Variants in RIPPLY3 observed in about 807,000 individuals in gnomAD.
RIPPLY3 encodes the protein protein ripply3.
In RIPPLY3, 8 loss-of-function variants were observed where a neutral mutation model predicts 11.9. The ratio of observed to expected loss-of-function variants is 0.67; its 90% CI spans 0.40 to 1.21. The LOEUF is 1.21. RIPPLY3 is among the 50% of genes most tolerant of loss of function. RIPPLY3 has a pLI of 0.01. For missense variants in RIPPLY3, 271 were observed against 246.0 expected (o/e 1.10, Z -0.68); for synonymous variants, 102 against 99.0 (o/e 1.03, Z -0.18).
chr21:37,018,009 G>C lies in RIPPLY3; in HGVS notation c.375G>C (p.Glu125Asp). The stretch of plus-strand genomic sequence containing the variant: ...CTGAGTCTGCTTCCGAAGCTGAAGA[G>C]CCAGAGGAAGGACCCCCACCCCTCC... ...ESTESASEAE[E>D]PEEGPPPLHL... is the part of the protein sequence containing the mutation. Residue 125 changes from glutamate to aspartate, a missense_variant, in exon 4 of 4, where the codon GAG becomes GAC. Coordinates refer to ENST00000329553, the MANE Select transcript of RIPPLY3 (RefSeq NM_018962.3). The C allele has an allele frequency of 6.2e-7, 1 of 1,614,150 alleles. No individual in the cohort carries two copies. Among genetic ancestry groups the C allele is most frequent in the South Asian group, 1.1e-5 (1 of 91,076 alleles).
intron 2 of RIPPLY3, among the ~76,000 whole-genome samples, chr21:37,009,706 A>G (rs2069501468): frequency 6.6e-6 from 1 of 152,206 alleles, no homozygotes; most frequent in African/African-American, 2.4e-5. Context: ...AGTAAGACAG[A>G]TGGTTTTGGG....
rs1221485099 is a variant in RIPPLY3 at position 37,018,938 on chromosome 21, C to T, written c.*731C>T. 2 of 150,828 alleles carry T rather than the reference C, an allele frequency of 1.3e-5. No homozygotes were observed. Among genetic ancestry groups the T allele is most frequent in the Non-Finnish European group, 2.9e-5 (2 of 67,886 alleles). 9.3% of individuals were successfully genotyped at this position (150,828 alleles called of 1,614,324 possible). On this transcript the variant is annotated 3_prime_UTR_variant, in exon 4 of 4. Transcript: ENST00000329553. ...TGAACTCCTGACCTCAGGTGATCCA[C>T]CCGCCTTGGCCTCCCAAAGTGCTGG...
rs2069468646 is a variant in RIPPLY3, at chr21:37,006,807, C to T, written c.35C>T (p.Ala12Val). 1 of 1,230,606 alleles carries T rather than the reference C, an allele frequency of 8.1e-7. No homozygotes were observed. 76.2% of individuals were successfully genotyped at this position (1,230,606 alleles called of 1,614,324 possible). A position where few individuals can be genotyped will look rare whatever the true frequency, so the allele number is the denominator to read the frequency against. ...EPEAAAGARK[A>V]RGRGCHCPGD... ...GAAGCGGCGGCCGGAGCCCGGAAGG[C>T]GCGGGGGCGCGGCTGTCACTGCCCC... is the stretch of plus-strand genomic sequence containing the variant. Residue 12 changes from alanine (A) to valine (V), a missense_variant, in exon 1 of 4, where the codon GCG (alanine) becomes GTG (valine). Transcript: ENST00000329553. The surrounding 1 kb of genome is among the most constrained non-coding windows in gnomAD (Gnocchi z 5.2).
chr21:37,014,035 G>C (rs570793339), intron 3 of RIPPLY3, among the ~76,000 whole-genome samples: 1 of 152,240 alleles, frequency 6.6e-6, no homozygotes, highest in African/African-American at 2.4e-5. Flanking sequence ...ATGTGTTGAG[G>C]GTGGACATGG....
At position 37,018,262 on chromosome 21, in the gene RIPPLY3, G is replaced by C. The variant is rs745989619; in HGVS notation, c.*55G>C. 11 of 1,482,342 alleles carry C rather than the reference G, an allele frequency of 7.4e-6. No homozygotes were observed. The highest frequency in any genetic ancestry group is 1.0e-5 in the Non-Finnish European group (11 of 1,065,076). The allele number at this position is 1,482,342 out of a possible 1,614,324, so 91.8% of individuals were successfully genotyped here. ...GGGACCTGCCCCTCACGTTCTCTTG[G>C]GGACACCCGAGCCAGGACACTACGC... On this transcript the variant is annotated 3_prime_UTR_variant, in exon 4 of 4. Coordinates refer to ENST00000329553, the MANE Select transcript of RIPPLY3 (RefSeq NM_018962.3).
upstream of RIPPLY3, chr21:37,006,696 G>C: frequency 2.1e-6 from 2 of 968,660 alleles, no homozygotes; most frequent in East Asian, 7.0e-5. This position sits in a 1 kb window ranked among gnomAD's most constrained non-coding sequence, Gnocchi z 5.2. Flanking sequence ...GCGGGTAGGT[G>C]AGCGCGTTAG....
chr21:37,015,750 G>A (rs2069571351), intron 3 of RIPPLY3, among the ~76,000 whole-genome samples: 1 of 151,762 alleles, frequency 6.6e-6, no homozygotes, highest in South Asian at 2.1e-4. Context: ...ATAGGGTCTT[G>A]CTCTGTTGCC....
chr21:37,008,071 C>T, intron 1 of RIPPLY3, 86 bp from the exon 2 acceptor site: 1 of 1,435,260 alleles, frequency 7.0e-7, no homozygotes. Context: ...CAGGCAGACA[C>T]TGGAACTAAG....
chr21:37,010,635 T>C (rs2069512060), intron 2 of RIPPLY3, among the ~76,000 whole-genome samples: 1 of 152,224 alleles, frequency 6.6e-6, no homozygotes, highest in East Asian at 1.9e-4. Context: ...TGCACCTTTC[T>C]TGATCTCTGT....
chr21:37,006,727 C>T lies in RIPPLY3; in HGVS notation c.-46C>T, dbSNP rs992729350. On this transcript the variant is annotated 5_prime_UTR_variant, in exon 1 of 4. Transcript: ENST00000329553. This position sits in a 1 kb window ranked among gnomAD's most constrained non-coding sequence, Gnocchi z 5.2. ...GTTAGCCCGAGTGGATCTAGGCGCG[C>T]TCGTAGGCCGGCGCCGCAGCAAGGG... is the stretch of plus-strand genomic sequence containing the variant. 5 of 1,174,692 alleles carry T rather than the reference C, an allele frequency of 4.3e-6. No individual in the cohort carries two copies. In the African/African-American group the frequency reaches 6.4e-5, roughly 15 times the overall value. 72.8% of individuals were successfully genotyped at this position (1,174,692 alleles called of 1,614,324 possible).
rs1480191202 is a variant in RIPPLY3, at chr21:37,018,286, G to A, written c.*79G>A. On this transcript the variant is annotated 3_prime_UTR_variant, in exon 4 of 4. Coordinates refer to ENST00000329553, the MANE Select transcript of RIPPLY3 (RefSeq NM_018962.3). ...GGGGACACCCGAGCCAGGACACTAC[G>A]CATCCCTGCTGAGTGTGCAGAGGCT... 10 of 1,229,378 alleles carry A rather than the reference G, an allele frequency of 8.1e-6. No individual in the cohort carries two copies. The highest frequency in any genetic ancestry group is 4.7e-5 in the East Asian group (2 of 42,398). The allele number at this position is 1,229,378 out of a possible 1,614,324, so 76.2% of individuals were successfully genotyped here. A position where few individuals can be genotyped will look rare whatever the true frequency, so the allele number is the denominator to read the frequency against.
intron 2 of RIPPLY3, among the ~76,000 whole-genome samples, chr21:37,010,931 T>G (rs2069515195): frequency 6.6e-6 from 1 of 152,188 alleles, no homozygotes; most frequent in South Asian, 2.1e-4. Context: ...AATGTGAATA[T>G]TTAGACATTT....
intron 3 of RIPPLY3, among the ~76,000 whole-genome samples, chr21:37,014,943 G>A (rs1319699602): frequency 2.0e-5 from 3 of 152,144 alleles, no homozygotes; most frequent in Non-Finnish European, 2.9e-5. Context: ...GCCCAGACTG[G>A]TCTTGAATTC....
chr21:37,006,680 TGGCGCGCGGGTA>T, upstream of RIPPLY3: 1 of 829,380 alleles, frequency 1.2e-6, no homozygotes, highest in Non-Finnish European at 1.6e-6. The surrounding 1 kb of genome is among the most constrained non-coding windows in gnomAD (Gnocchi z 5.2). Context: ...TTTTTAAACC[TGGCGCGCGGGTA>T]GGTGAGCGCG....
chr21:37,017,832 G>C, intron 3 of RIPPLY3, 42 bp from the exon 4 acceptor site: 1 of 1,525,900 alleles, frequency 6.6e-7, no homozygotes, highest in East Asian at 2.3e-5. Context: ...TTTAGGACGA[G>C]GTTCAGGTTG....
intron 3 of RIPPLY3, among the ~76,000 whole-genome samples, chr21:37,014,658 C>T (rs764224337): frequency 1.1e-4 from 16 of 152,350 alleles, no homozygotes; most frequent in Admixed American, 2.0e-4. Context: ...CCCAAAGACA[C>T]TCATGTGTAG....
At position 37,019,454 on chromosome 21, in the gene RIPPLY3, C is replaced by G. The variant is rs1212279328; in HGVS notation, c.*1247C>G. On this transcript the variant is annotated 3_prime_UTR_variant, in exon 4 of 4. Coordinates refer to ENST00000329553, the MANE Select transcript of RIPPLY3 (RefSeq NM_018962.3). Reference sequence around the variant, plus strand: ...CTGGTATTTTAATAGATGAACACTACTTTTTTAATTTTTTATTTTTTTAAC... The same window carrying G: ...CTGGTATTTTAATAGATGAACACTAGTTTTTTAATTTTTTATTTTTTTAAC... 1 of 151,890 alleles carries G rather than the reference C, an allele frequency of 6.6e-6. No homozygotes were observed. Among genetic ancestry groups the G allele is most frequent in the Non-Finnish European group, 1.5e-5 (1 of 67,974 alleles). 9.4% of individuals were successfully genotyped at this position (151,890 alleles called of 1,614,324 possible). A position where few individuals can be genotyped will look rare whatever the true frequency, so the allele number is the denominator to read the frequency against.
chr21:37,017,757 G>A lies in RIPPLY3; in HGVS notation c.240-117G>A, dbSNP rs181134056. 3 of 818,838 alleles carry A rather than the reference G, an allele frequency of 3.7e-6. No homozygotes were observed. The East Asian group carries it at 8.0e-5, about 22-fold the overall frequency. The allele number at this position is 818,838 out of a possible 1,614,324, so 50.7% of individuals were successfully genotyped here. On this transcript the variant is annotated intron_variant, in intron 3 of 3. Coordinates refer to ENST00000329553, the MANE Select transcript of RIPPLY3 (RefSeq NM_018962.3). ...GACTTAAATTCTGTGTGTTGTGAAGGCAAAGACCAGAAAGGAAGACTGGGG... is the reference window on the plus strand; with the variant it reads ...GACTTAAATTCTGTGTGTTGTGAAGACAAAGACCAGAAAGGAAGACTGGGG...
chr21:37,011,340 T>G (rs2146774927), intron 2 of RIPPLY3, among the ~76,000 whole-genome samples: 1 of 152,264 alleles, frequency 6.6e-6, no homozygotes, highest in South Asian at 2.1e-4. Flanking sequence ...CATATGTTTG[T>G]GGGGTAAGGT....
Sources: allele counts gnomAD v4.1 joint callset (sites outside exome capture counted in the v4.1 genomes callset), GRCh38; gene constraint gnomAD v4.1.1; non-coding constraint Gnocchi (gnomAD v3.1); transcripts MANE v1.5; gene names NCBI Gene and HGNC (gene_info 2026-07-23, HGNC 2026-07-21).